ZFAT: variants seen among roughly 807,000 people sequenced by gnomAD.
ZFAT encodes the protein zinc finger protein ZFAT.
A neutral mutation model predicts 117.7 loss-of-function variants in ZFAT; 64 were observed. That is an observed-to-expected ratio of 0.54 (90% CI 0.44 to 0.67). The LOEUF (loss-of-function observed/expected upper bound fraction) is 0.67. ZFAT is among the 30% of genes least tolerant of loss of function. ZFAT has a pLI of 0.00. For missense variants in ZFAT, 1,433 were observed against 1,584.5 expected (o/e 0.90, Z 1.62); for synonymous variants, 679 against 615.0 (o/e 1.10, Z -1.54).
the ZFAT span, among the ~76,000 whole-genome samples, chr8:134,734,281 C>G: frequency 6.6e-6 from 1 of 152,252 alleles, no homozygotes; most frequent in Non-Finnish European, 1.5e-5. Flanking sequence ...TCTGCCACTT[C>G]CGGCGGCTCC....
the ZFAT span, among the ~76,000 whole-genome samples, chr8:134,718,626 C>T: frequency 1.1e-4 from 16 of 152,066 alleles, no homozygotes; most frequent in Non-Finnish European, 1.8e-4. Context: ...AGCAAAGAAA[C>T]GGAAAACCAG....
the ZFAT span, among the ~76,000 whole-genome samples, chr8:134,737,461 C>T: frequency 6.6e-6 from 1 of 152,178 alleles, no homozygotes; most frequent in African/African-American, 2.4e-5. Context: ...GCTCTTCAAA[C>T]TTAAGCCAGG....
chr8:134,820,408 C>T, the ZFAT span, among the ~76,000 whole-genome samples: 2 of 152,206 alleles, frequency 1.3e-5, no homozygotes, highest in Non-Finnish European at 2.9e-5. Flanking sequence ...TAGGACAATG[C>T]CCAAGTCTTA....
At chr8:134,570,393 T>C (rs1052320949) in intron 10 of ZFAT, among the ~76,000 whole-genome samples, 7 of 152,214 alleles carry the variant, frequency 4.6e-5, no homozygotes, top group African/African-American at 7.2e-5. Context: ...CATATTTCCA[T>C]TGTAATATAC....
the ZFAT span, among the ~76,000 whole-genome samples, chr8:134,791,023 T>C: frequency 6.6e-6 from 1 of 152,216 alleles, no homozygotes; most frequent in African/African-American, 2.4e-5. Context: ...TTTCTTCAAA[T>C]GCGTCTGAAT....
chr8:134,642,754 C>T (rs1328034694), intron 2 of ZFAT, among the ~76,000 whole-genome samples: 1 of 152,242 alleles, frequency 6.6e-6, no homozygotes, highest in Non-Finnish European at 1.5e-5. Flanking sequence ...GCAGCTCAAT[C>T]TCTAATCACA....
the ZFAT span, among the ~76,000 whole-genome samples, chr8:134,730,985 T>A: frequency 6.6e-6 from 1 of 152,200 alleles, no homozygotes. Context: ...CTTGAGGCCA[T>A]GAATGCTCTA....
chr8:134,508,948 C>T (rs943351160), intron 15 of ZFAT, among the ~76,000 whole-genome samples: 3 of 152,034 alleles, frequency 2.0e-5, no homozygotes, highest in Admixed American at 1.3e-4. Flanking sequence ...TTTGTGTAAG[C>T]CAGCTAAAAT....
At chr8:134,610,776 C>G in intron 3 of ZFAT, 121 bp from the exon 4 acceptor site, 2 of 1,106,100 alleles carry the variant, frequency 1.8e-6, no homozygotes, top group Non-Finnish European at 2.6e-6. Context: ...TGCAGTGCCA[C>G]GCAGACCACG....
intron 11 of ZFAT, among the ~76,000 whole-genome samples, chr8:134,540,749 A>G (rs919177173): frequency 1.3e-5 from 2 of 152,264 alleles, no homozygotes; most frequent in East Asian, 1.9e-4. Context: ...TTATTCCTCA[A>G]TCGCCATCTA....
chr8:134,669,189 T>C (rs1025384413), intron 1 of ZFAT, among the ~76,000 whole-genome samples: 6 of 152,176 alleles, frequency 3.9e-5, no homozygotes, highest in African/African-American at 1.4e-4. Flanking sequence ...CAGGATATTA[T>C]CCAGGAGAAC....
chr8:134,777,744 G>GA, the ZFAT span, among the ~76,000 whole-genome samples: 1 of 152,160 alleles, frequency 6.6e-6, no homozygotes, highest in African/African-American at 2.4e-5. Flanking sequence ...AATTTAGGTA[G>GA]AAAACCTCCA....
Position 134,477,985 on chromosome 8 carries a change from C to G in ZFAT, c.*497G>C, listed in dbSNP as rs538536188. 423 of 158,160 alleles carry G rather than the reference C, an allele frequency of 2.7e-3. 2 individuals are homozygous for G. Among genetic ancestry groups the G allele is most frequent in the Non-Finnish European group, 3.7e-3 (265 of 71,162 alleles). 9.8% of individuals were successfully genotyped at this position (158,160 alleles called of 1,614,324 possible). A position where few individuals can be genotyped will look rare whatever the true frequency, so the allele number is the denominator to read the frequency against. Reference sequence around the variant, plus strand: ...TGGGACTTTGTCGACAAAGCCAGGACAATCCCCCTACCCCCACCCCACCCA... The same window carrying G: ...TGGGACTTTGTCGACAAAGCCAGGAGAATCCCCCTACCCCCACCCCACCCA... On this transcript the variant is annotated 3_prime_UTR_variant, in exon 16 of 16. Transcript: ENST00000377838.
intron 12 of ZFAT, among the ~76,000 whole-genome samples, chr8:134,527,063 C>T (rs972696057): frequency 1.4e-5 from 2 of 145,828 alleles, no homozygotes; most frequent in African/African-American, 5.5e-5. Context: ...CTAATGCTAT[C>T]ACAGGGGTCA....
chr8:134,524,540 TC>T (rs1454693786), intron 12 of ZFAT, among the ~76,000 whole-genome samples: 3 of 152,194 alleles, frequency 2.0e-5, no homozygotes, highest in Non-Finnish European at 2.9e-5. Context: ...ACAATTTTCC[TC>T]CCAGACAGGC....
At chr8:134,651,578 A>T (rs1314743023) in intron 2 of ZFAT, among the ~76,000 whole-genome samples, 1 of 152,214 alleles carries the variant, frequency 6.6e-6, no homozygotes, top group Non-Finnish European at 1.5e-5. Flanking sequence ...CAGGTAAAAA[A>T]TAGTGAACTG....
At chr8:134,538,313 G>C (rs1821990434) in intron 11 of ZFAT, among the ~76,000 whole-genome samples, 1 of 152,150 alleles carries the variant, frequency 6.6e-6, no homozygotes, top group Admixed American at 6.5e-5. Flanking sequence ...CCAACAGGAA[G>C]GGGCCTCCCC....
intron 3 of ZFAT, among the ~76,000 whole-genome samples, chr8:134,616,540 T>C (rs1024083565): frequency 6.6e-6 from 1 of 152,126 alleles, no homozygotes; most frequent in Non-Finnish European, 1.5e-5. Flanking sequence ...TATCATGGCC[T>C]TTCAATAGGT....
the ZFAT span, among the ~76,000 whole-genome samples, chr8:134,739,591 C>T: frequency 6.6e-6 from 1 of 152,156 alleles, no homozygotes; most frequent in African/African-American, 2.4e-5. Flanking sequence ...ATGAAAAATA[C>T]CACACTCTAC....
Sources: gnomAD v4.1 joint callset for allele counts (sites outside exome capture counted in the v4.1 genomes callset) on GRCh38, gnomAD v4.1.1 for gene constraint, MANE v1.5 for transcripts, NCBI Gene and HGNC (gene_info 2026-07-23, HGNC 2026-07-21) for gene names.